Variants in NR6A1 observed in about 807,000 individuals in gnomAD.
NR6A1 encodes nuclear receptor subfamily 6 group A member 1, also known as retinoic acid receptor-related testis-associated receptor.
NR6A1 carries 7 observed loss-of-function variants against 59.1 expected under a neutral mutation model. The ratio of observed to expected loss-of-function variants is 0.12; its 90% CI spans 0.07 to 0.22. The LOEUF (loss-of-function observed/expected upper bound fraction) is 0.22. Ranked by LOEUF, NR6A1 falls within the 10% of genes least tolerant of loss-of-function variation. The pLI is 1.00. For missense variants in NR6A1, 468 were observed against 611.6 expected (o/e 0.77, Z 2.48); for synonymous variants, 243 against 236.1 (o/e 1.03, Z -0.27).
chr9:124,607,290 A>G (rs1333569014), intron 2 of NR6A1: 2 of 152,222 alleles, frequency 1.3e-5, no homozygotes, highest in African/African-American at 2.4e-5. Context: ...TTCAGCTTCA[A>G]TATGGTGATC....
At chr9:124,611,431 C>G (rs1835740794) in intron 2 of NR6A1, among the ~76,000 whole-genome samples, 1 of 152,048 alleles carries the variant, frequency 6.6e-6, no homozygotes, top group Non-Finnish European at 1.5e-5. Flanking sequence ...CCAGTCTTTG[C>G]TCCAAAATTA....
At chr9:124,563,713 A>G (rs771848663) in intron 2 of NR6A1, among the ~76,000 whole-genome samples, 4 of 152,218 alleles carry the variant, frequency 2.6e-5, no homozygotes, top group Admixed American at 6.5e-5. Flanking sequence ...ATGGTATGAA[A>G]GTGATATGTA....
intron 2 of NR6A1, chr9:124,607,384 C>T (rs1351600263): frequency 6.6e-6 from 1 of 152,194 alleles, no homozygotes; most frequent in African/African-American, 2.4e-5. Context: ...AACTCCCATA[C>T]TGATCAGAAG....
intron 2 of NR6A1, among the ~76,000 whole-genome samples, chr9:124,731,428 C>T (rs1436134782): frequency 6.6e-6 from 1 of 151,688 alleles, no homozygotes; most frequent in Non-Finnish European, 1.5e-5. Flanking sequence ...TTTATCTTTT[C>T]CTCCCCTAAG....
intron 2 of NR6A1, among the ~76,000 whole-genome samples, chr9:124,588,584 G>A (rs1444819985): frequency 1.3e-5 from 2 of 149,704 alleles, no homozygotes; most frequent in South Asian, 2.1e-4. Context: ...TGGGATTACA[G>A]GCGTGAGCCA....
In NR6A1 at chr9:124,719,786, A is replaced by G. The variant is rs944518311; in HGVS notation, c.142+13522T>C. On this transcript the variant is annotated intron_variant, in intron 2 of 9. Coordinates refer to ENST00000487099, the MANE Select transcript of NR6A1 (RefSeq NM_033334.4). The stretch of plus-strand genomic sequence containing the variant: ...AACACAAAGATTAGCCCACCGCGGT[A>G]ATGCGCGCCTATAGTCCCAGCCACT... Among the ~76,000 whole-genome samples, 13 of 151,936 alleles carry G rather than the reference A, an allele frequency of 8.6e-5. 1 individual carries two copies. The highest frequency in any genetic ancestry group is 1.5e-5 in the Non-Finnish European group (1 of 67,998).
In NR6A1 at chr9:124,627,908, T is replaced by C. The variant is rs917821119; in HGVS notation, c.143-73338A>G. ...TTTTTTTTTTTTTTTTTTTTTTTTT[T>C]TTCAAAACAAAGCAACAGAAAGTAC... On this transcript the variant is annotated intron_variant, in intron 2 of 9. Coordinates refer to ENST00000487099, the MANE Select transcript of NR6A1 (RefSeq NM_033334.4). Among the ~76,000 whole-genome samples the C allele has an allele frequency of 8.9e-5, 10 of 111,780 alleles. No homozygotes were observed. The East Asian group carries it at 1.8e-3, about 20-fold the overall frequency. The allele number at this position is 111,780 out of a possible 152,430, so 73.3% of individuals were successfully genotyped here. A position where few individuals can be genotyped will look rare whatever the true frequency, so the allele number is the denominator to read the frequency against.
chr9:124,649,537 C>T lies in NR6A1; in HGVS notation c.142+83771G>A, dbSNP rs80015386. ...AACACTGGGGAAATGCTTCAGGACACGGGTCTGGCAAAGATTCTTTGAGTT... is the reference window on the plus strand; with the variant it reads ...AACACTGGGGAAATGCTTCAGGACATGGGTCTGGCAAAGATTCTTTGAGTT... On this transcript the variant is annotated intron_variant, in intron 2 of 9. Transcript: ENST00000487099. Among the ~76,000 whole-genome samples the T allele has an allele frequency of 8.4e-3, 1,275 of 152,216 alleles. 29 individuals carry two copies. Among genetic ancestry groups the T allele is most frequent in the African/African-American group, 0.029 (1,198 of 41,536 alleles).
rs547193930 is a variant in NR6A1 at position 124,610,015 on chromosome 9, G to A, written c.143-55445C>T. ...GCTTAAGAAGCTTTTGGGCAGAAAT[G>A]ATGGGTTTTTTATAGGATCATGTCA... On this transcript the variant is annotated intron_variant, in intron 2 of 9. Transcript: ENST00000487099. 6.0e-4 allele frequency among the ~76,000 whole-genome samples: 91 copies of A among 152,244 alleles called. 1 individual carries two copies. In the South Asian group the frequency reaches 0.018, roughly 31 times the overall value.
At chr9:124,702,160 G>A (rs1325317267) in intron 2 of NR6A1, among the ~76,000 whole-genome samples, 3 of 152,020 alleles carry the variant, frequency 2.0e-5, no homozygotes, top group African/African-American at 7.2e-5. Flanking sequence ...TATGGCTTGT[G>A]CCACTGGTGT....
At chr9:124,565,444 C>T (rs1047772297) in intron 2 of NR6A1, among the ~76,000 whole-genome samples, 1 of 145,434 alleles carries the variant, frequency 6.9e-6, no homozygotes, top group Non-Finnish European at 1.5e-5. Context: ...AACAAACAAA[C>T]AAACAAAAAC....
chr9:124,701,745 C>G (rs554590932), intron 2 of NR6A1, among the ~76,000 whole-genome samples: 2 of 151,912 alleles, frequency 1.3e-5, no homozygotes, highest in African/African-American at 2.4e-5. Flanking sequence ...TCTTTTGAGT[C>G]GGAGTTTCGC....
chr9:124,566,746 A>T (rs1490897480), intron 2 of NR6A1, among the ~76,000 whole-genome samples: 1 of 152,224 alleles, frequency 6.6e-6, no homozygotes, highest in Non-Finnish European at 1.5e-5. Context: ...GCTGTGAGAA[A>T]TGAGGCAACA....
chr9:124,639,504 A>G (rs1038776192), intron 2 of NR6A1, among the ~76,000 whole-genome samples: 1 of 152,210 alleles, frequency 6.6e-6, no homozygotes, highest in Non-Finnish European at 1.5e-5. Flanking sequence ...CTAGTTACCA[A>G]AAGAACCAAA....
At chr9:124,523,439 C>T (rs982954025) in intron 9 of NR6A1, among the ~76,000 whole-genome samples, 1 of 152,058 alleles carries the variant, frequency 6.6e-6, no homozygotes, top group Non-Finnish European at 1.5e-5. Flanking sequence ...CCTGGGGAGC[C>T]GTTCGAAAAC....
In NR6A1 at chr9:124,638,331, T is replaced by C. The variant is rs570783843; in HGVS notation, c.143-83761A>G. ...ATAGGCATCAGACTGGATAGGCTCA[T>C]CTACTTACTTTTTCTTAGCAGTCTC... On this transcript the variant is annotated intron_variant, in intron 2 of 9. Coordinates refer to ENST00000487099, the MANE Select transcript of NR6A1 (RefSeq NM_033334.4). 1.3e-3 allele frequency among the ~76,000 whole-genome samples: 193 copies of C among 152,006 alleles called. 2 individuals are homozygous for C. The South Asian group carries it at 0.038, about 30-fold the overall frequency.
intron 2 of NR6A1, among the ~76,000 whole-genome samples, chr9:124,681,805 A>G (rs1213205574): frequency 6.6e-6 from 1 of 152,214 alleles, no homozygotes; most frequent in Non-Finnish European, 1.5e-5. Flanking sequence ...GAAAATCCGC[A>G]TAACTCAGTG....
chr9:124,529,674 C>T (rs1833039282), intron 7 of NR6A1, among the ~76,000 whole-genome samples: 1 of 152,190 alleles, frequency 6.6e-6, no homozygotes, highest in African/African-American at 2.4e-5. Flanking sequence ...CAGGGGACCT[C>T]AGGAGTTGTG....
At chr9:124,645,563 T>C (rs1371757041) in intron 2 of NR6A1, among the ~76,000 whole-genome samples, 1 of 152,104 alleles carries the variant, frequency 6.6e-6, no homozygotes, top group East Asian at 1.9e-4. Context: ...GCATTACTAA[T>C]GATAAAGGAG....
Sources: allele counts gnomAD v4.1 joint callset (sites outside exome capture counted in the v4.1 genomes callset), GRCh38; gene constraint gnomAD v4.1.1; transcripts MANE v1.5; gene names NCBI Gene and HGNC (gene_info 2026-07-23, HGNC 2026-07-21).